Variants in TMEM132D observed in about 807,000 individuals in gnomAD.
The protein encoded by TMEM132D is mature OL transmembrane protein.
A neutral mutation model predicts 62.3 loss-of-function variants in TMEM132D; 21 were observed. That is an observed-to-expected ratio of 0.34 (90% CI 0.24 to 0.49). TMEM132D has a LOEUF of 0.49. Ranked by LOEUF, TMEM132D falls within the 20% of genes least tolerant of loss-of-function variation. TMEM132D has a pLI of 0.99. For missense variants in TMEM132D, 1,346 were observed against 1,402.8 expected, an observed-to-expected ratio of 0.96 and a Z score of 0.65; for synonymous variants, 621 against 575.6, an observed-to-expected ratio of 1.08 and a Z score of -1.13.
At chr12:129,883,111 T>C (rs1382131295) in intron 1 of TMEM132D, among the ~76,000 whole-genome samples, 1 of 152,092 alleles carries the variant, frequency 6.6e-6, no homozygotes, top group East Asian at 1.9e-4. Flanking sequence ...CACAATTATA[T>C]TCAAAAATGA....
chr12:129,400,198 T>C (rs1871578389), intron 3 of TMEM132D, among the ~76,000 whole-genome samples: 1 of 151,862 alleles, frequency 6.6e-6, no homozygotes, highest in South Asian at 2.1e-4. Flanking sequence ...AAAGGCCAAG[T>C]AGAGGGTGAG....
intron 2 of TMEM132D, among the ~76,000 whole-genome samples, chr12:129,561,476 C>T (rs754838088): frequency 6.6e-6 from 1 of 152,186 alleles, no homozygotes; most frequent in African/African-American, 2.4e-5. Context: ...TCATGTCACA[C>T]TAATAGTTTC....
intron 1 of TMEM132D, among the ~76,000 whole-genome samples, chr12:129,790,486 C>T (rs1164083588): frequency 6.6e-6 from 1 of 152,070 alleles, no homozygotes; most frequent in Non-Finnish European, 1.5e-5. Context: ...TAGGGCTGTC[C>T]CCGGCTGGAC....
intron 4 of TMEM132D, among the ~76,000 whole-genome samples, chr12:129,238,157 T>G (rs1183137844): frequency 6.6e-6 from 1 of 152,158 alleles, no homozygotes; most frequent in Non-Finnish European, 1.5e-5. Flanking sequence ...GTGGCGATAA[T>G]GGGCACTACA....
chr12:129,810,551 TACACAC>T (rs200702675), intron 1 of TMEM132D, among the ~76,000 whole-genome samples: 1 of 34,170 alleles, frequency 2.9e-5, no homozygotes, highest in African/African-American at 1.0e-4. Flanking sequence ...AATATATACA[TACACAC>T]ACACACACAC....
chr12:129,804,309 G>A (rs1351381947), intron 1 of TMEM132D, among the ~76,000 whole-genome samples: 6 of 101,518 alleles, frequency 5.9e-5, no homozygotes, highest in African/African-American at 1.4e-4. Flanking sequence ...CTGGCAAAAC[G>A]AATCCAGCAG....
At position 129,074,756 on chromosome 12, in the gene TMEM132D, T is replaced by C. The variant is rs760498916; in HGVS notation, c.2419A>G (p.Ser807Gly). 4 of 1,614,174 alleles carry C rather than the reference T, an allele frequency of 2.5e-6. No individual in the cohort carries two copies. Among genetic ancestry groups the C allele is most frequent in the South Asian group, 2.2e-5 (2 of 91,082 alleles). Residue 807 changes from serine to glycine, a missense_variant, in exon 9 of 9, where the codon AGT becomes GGT. By Grantham distance (56) the Ser-to-Gly change is moderately conservative. Transcript: ENST00000422113. ...FGQNDANPNT[S>G]DSRHTGAGVH... ...CCTGCCCCTGTGTGTCTGCTGTCAC[T>C]GGTGTTGGGGTTAGCATCGTTTTGG...
intron 3 of TMEM132D, among the ~76,000 whole-genome samples, chr12:129,479,527 CA>C (rs1466580054): frequency 2.6e-5 from 4 of 151,968 alleles, no homozygotes; most frequent in African/African-American, 9.7e-5. Flanking sequence ...TATAAAAGAG[CA>C]AAATGCAAAA....
At chr12:129,360,375 C>T (rs193103312) in intron 3 of TMEM132D, among the ~76,000 whole-genome samples, 1 of 152,304 alleles carries the variant, frequency 6.6e-6, no homozygotes, top group East Asian at 1.9e-4. Context: ...TATGTTCTTT[C>T]TTCCAGCAGA....
At chr12:129,548,292 C>T (rs989947106) in intron 2 of TMEM132D, among the ~76,000 whole-genome samples, 4 of 152,170 alleles carry the variant, frequency 2.6e-5, no homozygotes, top group Non-Finnish European at 4.4e-5. Context: ...CACTCTTCTC[C>T]CTTCTCTCTT....
chr12:129,398,860 A>G (rs897533674), intron 3 of TMEM132D, among the ~76,000 whole-genome samples: 1 of 152,052 alleles, frequency 6.6e-6, no homozygotes, highest in Non-Finnish European at 1.5e-5. Flanking sequence ...CCATCCATCC[A>G]TCCATCCATC....
At chr12:129,228,644 C>T (rs549754802) in intron 4 of TMEM132D, among the ~76,000 whole-genome samples, 56 of 152,284 alleles carry the variant, frequency 3.7e-4, no homozygotes, top group African/African-American at 1.2e-3. Flanking sequence ...GCTGCTTTCA[C>T]GTACTGTGAT....
intron 3 of TMEM132D, among the ~76,000 whole-genome samples, chr12:129,498,356 G>A (rs1875024533): frequency 6.6e-6 from 1 of 151,854 alleles, no homozygotes; most frequent in Non-Finnish European, 1.5e-5. Context: ...TGGGTTCAAG[G>A]GATTTTCCTG....
chr12:129,689,825 A>G (rs1306828260), intron 2 of TMEM132D, among the ~76,000 whole-genome samples: 2 of 152,214 alleles, frequency 1.3e-5, no homozygotes, highest in African/African-American at 4.8e-5. Flanking sequence ...TCTGATGTGT[A>G]CATGGCTTGG....
chr12:129,819,701 G>C (rs1441230561), intron 1 of TMEM132D, among the ~76,000 whole-genome samples: 2 of 152,178 alleles, frequency 1.3e-5, no homozygotes, highest in African/African-American at 4.8e-5. Context: ...CACGTAGTTA[G>C]TGCTAAGTGT....
At chr12:129,180,832 A>T (rs952466623) in intron 5 of TMEM132D, among the ~76,000 whole-genome samples, 1 of 152,072 alleles carries the variant, frequency 6.6e-6, no homozygotes, top group East Asian at 1.9e-4. Flanking sequence ...ATGGTAAGCA[A>T]GGGGAACGTG....
intron 2 of TMEM132D, among the ~76,000 whole-genome samples, chr12:129,561,326 T>C (rs1326300346): frequency 6.6e-6 from 1 of 152,126 alleles, no homozygotes; most frequent in Non-Finnish European, 1.5e-5. Flanking sequence ...GGAGCCTAGG[T>C]TTTGAATCCT....
In TMEM132D at chr12:129,105,802, G is replaced by C. The variant is rs61944791; in HGVS notation, c.1444-21100C>G. Among the ~76,000 whole-genome samples, 32 of 151,420 alleles carry C rather than the reference G, an allele frequency of 2.1e-4. No homozygotes were observed. The Middle Eastern group carries it at 0.01, about 48-fold the overall frequency. ...GAGAGGATGTGGAGAAATAGGAACAGTTTTACACTGTTGGTGGGACTGTAA... is the reference window on the plus strand; with the variant it reads ...GAGAGGATGTGGAGAAATAGGAACACTTTTACACTGTTGGTGGGACTGTAA... On this transcript the variant is annotated intron_variant, in intron 5 of 8. Coordinates refer to ENST00000422113, the MANE Select transcript of TMEM132D (RefSeq NM_133448.3).
intron 1 of TMEM132D, among the ~76,000 whole-genome samples, chr12:129,874,700 C>CTTTTT (rs71085583): frequency 6.8e-5 from 8 of 117,906 alleles, no homozygotes; most frequent in Non-Finnish European, 1.3e-4. Flanking sequence ...TCACATTTTT[C>CTTTTT]TTTTTTTTTT....
Sources: allele counts gnomAD v4.1 joint callset (sites outside exome capture counted in the v4.1 genomes callset), GRCh38; gene constraint gnomAD v4.1.1; transcripts MANE v1.5; gene names NCBI Gene and HGNC (gene_info 2026-07-23, HGNC 2026-07-21).